The following SFMBT2 variants were observed in gnomAD, a reference collection of about 807,000 sequenced individuals.
The protein encoded by SFMBT2 is scm-like with four MBT domains protein 2.
A neutral mutation model predicts 110.1 loss-of-function variants in SFMBT2; 38 were observed. That is an observed-to-expected ratio of 0.35 (90% CI 0.27 to 0.45). The LOEUF (loss-of-function observed/expected upper bound fraction) is 0.45, where lower values mean the gene tolerates loss of function less well. SFMBT2 is among the 20% of genes least tolerant of loss of function. SFMBT2 has a pLI of 1.00. For missense variants in SFMBT2, 1,011 were observed against 1,094.9 expected, an observed-to-expected ratio of 0.92 and a Z score of 1.08; for synonymous variants, 425 against 425.4, an observed-to-expected ratio of 1.00 and a Z score of 0.01.
chr10:7,373,174 G>C (rs2132062860), intron 2 of SFMBT2, among the ~76,000 whole-genome samples: 1 of 152,254 alleles, frequency 6.6e-6, no homozygotes, highest in African/African-American at 2.4e-5. Context: ...GCTCTTGAAG[G>C]AATGGATGAC....
chr10:7,267,922 G>A (rs1017554456), intron 7 of SFMBT2, among the ~76,000 whole-genome samples: 8 of 152,122 alleles, frequency 5.3e-5, no homozygotes, highest in African/African-American at 1.9e-4. Context: ...CTATATTTCT[G>A]TATTCCTCTA....
intron 7 of SFMBT2, among the ~76,000 whole-genome samples, chr10:7,261,774 C>G (rs1342019305): frequency 6.6e-6 from 1 of 152,206 alleles, no homozygotes; most frequent in East Asian, 1.9e-4. Context: ...GTTTATCTGA[C>G]ATGTTCGTGC....
At chr10:7,228,717 TTC>T (rs1338819496) in intron 9 of SFMBT2, among the ~76,000 whole-genome samples, 4 of 132,018 alleles carry the variant, frequency 3.0e-5, no homozygotes, top group African/African-American at 9.1e-5. Flanking sequence ...CTTTCTTTCT[TTC>T]TTTCTTTCTT....
In SFMBT2 at chr10:7,172,064, G is replaced by A. The variant is rs774363207; in HGVS notation, c.2246C>T (p.Ser749Leu). 1.4e-5 allele frequency: 23 copies of A among 1,603,402 alleles called. No individual in the cohort carries two copies. Among genetic ancestry groups the A allele is most frequent in the East Asian group, 2.3e-5 (1 of 44,442 alleles). ...ELRDDQTDTS[S>L]AEVPSARPRR... is the part of the protein sequence containing the mutation. ...GGGCCGGGCCGAGGGCACCTCCGCC[G>A]ACGAGGTGTCCGTCTGGTCATCCCG... is the stretch of plus-strand genomic sequence containing the variant. The change falls in exon 19 of 21, where the codon TCG becomes TTG. Residue 749 changes from serine (S) to leucine (L), a missense_variant. Around this residue, in one of 2 missense-constraint regions of SFMBT2, gnomAD observed 979 missense variants for 1,016.1 expected, o/e 0.96. Coordinates refer to ENST00000397167, the MANE Select transcript of SFMBT2 (RefSeq NM_001387889.1). This position sits in a 1 kb window ranked among gnomAD's most constrained non-coding sequence, Gnocchi z 4.6.
intron 4 of SFMBT2, among the ~76,000 whole-genome samples, chr10:7,317,001 C>A (rs2131921258): frequency 6.6e-6 from 1 of 152,306 alleles, no homozygotes; most frequent in East Asian, 1.9e-4. Context: ...TAGTGTGTGG[C>A]AGAGCTCACA....
intron 7 of SFMBT2, among the ~76,000 whole-genome samples, chr10:7,260,273 C>T (rs544269357): frequency 6.6e-6 from 1 of 152,182 alleles, no homozygotes. Flanking sequence ...AAACCCTACT[C>T]GACCTGGTAT....
chr10:7,281,801 A>T (rs1050918858), intron 6 of SFMBT2, among the ~76,000 whole-genome samples: 11 of 152,174 alleles, frequency 7.2e-5, no homozygotes, highest in Middle Eastern at 3.2e-3. Flanking sequence ...TGATTTAAAT[A>T]TCGGGGAAGT....
intron 4 of SFMBT2, among the ~76,000 whole-genome samples, chr10:7,319,936 GAC>G (rs1159921860): frequency 4.0e-5 from 6 of 151,352 alleles, no homozygotes; most frequent in Non-Finnish European, 5.9e-5. Flanking sequence ...GACTGAGAGA[GAC>G]ACAGAGACTG....
intron 7 of SFMBT2, chr10:7,249,683 T>G (rs778216289): frequency 2.9e-6 from 1 of 349,536 alleles, no homozygotes; most frequent in African/African-American, 2.2e-5. Flanking sequence ...AGTCGGGCAG[T>G]GCCTGTTTCC....
intron 8 of SFMBT2, among the ~76,000 whole-genome samples, chr10:7,247,906 G>C (rs1840668021): frequency 6.6e-6 from 1 of 152,108 alleles, no homozygotes. Flanking sequence ...TAGAGACAGG[G>C]TCTCCCTATG....
At chr10:7,358,705 T>TAGAATGGAGGCATGGTGGCC (rs1564456949) in intron 4 of SFMBT2, among the ~76,000 whole-genome samples, 8,134 of 139,326 alleles carry the variant, frequency 0.058, 733 homozygotes, top group African/African-American at 0.2. Flanking sequence ...GCATGGTGGC[T>TAGAATGGAGGCATGGTGGCC]CTGGAATGAA....
Position 7,304,413 on chromosome 10 carries a change from T to C in SFMBT2, c.437-18459A>G, listed in dbSNP as rs548409967. Among the ~76,000 whole-genome samples, 29 of 152,304 alleles carry C rather than the reference T, an allele frequency of 1.9e-4. 1 individual carries two copies. Among genetic ancestry groups the C allele is most frequent in the Middle Eastern group, 3.4e-3 (1 of 294 alleles). ...AGTCCATTAAACCTCTTTTTTTATATACAAATTACCCAGTCTTGGGTCTTT... is the reference window on the plus strand; with the variant it reads ...AGTCCATTAAACCTCTTTTTTTATACACAAATTACCCAGTCTTGGGTCTTT... On this transcript the variant is annotated intron_variant, in intron 4 of 20. Transcript: ENST00000397167.
intron 4 of SFMBT2, among the ~76,000 whole-genome samples, chr10:7,298,105 A>C (rs1217657837): frequency 6.6e-6 from 1 of 152,220 alleles, no homozygotes; most frequent in Non-Finnish European, 1.5e-5. Flanking sequence ...TCCTTCACCA[A>C]TGAGTGCTAG....
chr10:7,338,761 ATCT>A (rs1234482098), intron 4 of SFMBT2, among the ~76,000 whole-genome samples: 4 of 152,152 alleles, frequency 2.6e-5, no homozygotes, highest in African/African-American at 9.7e-5. Context: ...AGATGCTCAC[ATCT>A]TCTTCTAAGT....
At chr10:7,198,245 AT>A (rs539079448) in intron 14 of SFMBT2, 6 of 642,854 alleles carry the variant, frequency 9.3e-6, no homozygotes, top group South Asian at 6.9e-5. Flanking sequence ...AAGTTCATTC[AT>A]TTTTTTACTT....
intron 11 of SFMBT2, among the ~76,000 whole-genome samples, chr10:7,217,859 C>T (rs1268007011): frequency 6.6e-6 from 1 of 152,242 alleles, no homozygotes; most frequent in African/African-American, 2.4e-5. Flanking sequence ...CTGGCCCCAT[C>T]ATCATCAGTC....
intron 1 of SFMBT2, among the ~76,000 whole-genome samples, chr10:7,401,551 CA>C (rs1441293137): frequency 1.3e-5 from 2 of 152,184 alleles, no homozygotes; most frequent in Admixed American, 6.5e-5. Context: ...AAGTAATTGA[CA>C]AAAGAAGGAG....
chr10:7,402,519 C>A (rs1051195234), intron 1 of SFMBT2, among the ~76,000 whole-genome samples: 1 of 152,044 alleles, frequency 6.6e-6, no homozygotes, highest in African/African-American at 2.4e-5. Flanking sequence ...TTTATAATAC[C>A]CCAAATTTAG....
chr10:7,332,424 T>C (rs1043524566), intron 4 of SFMBT2, among the ~76,000 whole-genome samples: 1 of 152,256 alleles, frequency 6.6e-6, no homozygotes, highest in South Asian at 2.1e-4. Context: ...CTACTATTTA[T>C]GCATATTCTT....
Sources: allele counts gnomAD v4.1 joint callset (sites outside exome capture counted in the v4.1 genomes callset), GRCh38; gene constraint gnomAD v4.1.1; regional missense constraint gnomAD v4.1.1; non-coding constraint Gnocchi (gnomAD v3.1); transcripts MANE v1.5; gene names NCBI Gene and HGNC (gene_info 2026-07-23, HGNC 2026-07-21).